Variants in TECRL observed in about 807,000 individuals in gnomAD.
TECRL encodes the protein trans-2,3-enoyl-CoA reductase-like.
In TECRL, 63 loss-of-function variants were observed where a neutral mutation model predicts 52.8. The ratio of observed to expected loss-of-function variants is 1.19; its 90% CI spans 0.97 to 1.47. The LOEUF is 1.47. TECRL is among the 40% of genes most tolerant of loss of function. TECRL has a pLI of 0.00. For synonymous variants in TECRL, 164 were observed against 141.9 expected (o/e 1.16, Z -1.10); for missense variants, 482 against 429.6 (o/e 1.12, Z -1.08).
chr4:64,330,308 C>T (rs1718552419), intron 2 of TECRL, among the ~76,000 whole-genome samples: 1 of 151,922 alleles, frequency 6.6e-6, no homozygotes, highest in South Asian at 2.1e-4. Flanking sequence ...TAAGACCTTA[C>T]AAAACTCCTG....
chr4:64,368,396 A>G (rs1356877505), intron 2 of TECRL, among the ~76,000 whole-genome samples: 1 of 152,034 alleles, frequency 6.6e-6, no homozygotes, highest in Admixed American at 6.6e-5. Flanking sequence ...ACCAGATTCA[A>G]GCGATTCTCC....
At chr4:64,381,766 T>C (rs1722811465) in intron 1 of TECRL, among the ~76,000 whole-genome samples, 1 of 152,074 alleles carries the variant, frequency 6.6e-6, no homozygotes, top group Non-Finnish European at 1.5e-5. Flanking sequence ...GGTATTATCT[T>C]TTTGATGTGT....
At chr4:64,389,102 T>C (rs1341246733) in intron 1 of TECRL, among the ~76,000 whole-genome samples, 3 of 151,958 alleles carry the variant, frequency 2.0e-5, no homozygotes, top group African/African-American at 7.2e-5. Context: ...TGCCTATCTG[T>C]AAACTCTTTA....
At chr4:64,360,581 C>A (rs1721106369) in intron 2 of TECRL, among the ~76,000 whole-genome samples, 1 of 151,992 alleles carries the variant, frequency 6.6e-6, no homozygotes, top group South Asian at 2.1e-4. Flanking sequence ...CAAGACAGAC[C>A]AGACCATCAA....
chr4:64,296,152 G>A (rs1245688243), intron 8 of TECRL, among the ~76,000 whole-genome samples: 6 of 151,892 alleles, frequency 4.0e-5, no homozygotes, highest in African/African-American at 1.4e-4. Flanking sequence ...CTGAACTTTG[G>A]CACCCTTTTT....
At chr4:64,395,015 T>C (rs1723832520) in intron 1 of TECRL, among the ~76,000 whole-genome samples, 1 of 149,004 alleles carries the variant, frequency 6.7e-6, no homozygotes, top group Non-Finnish European at 1.5e-5. Context: ...GGGGTTCAAA[T>C]GATTCTTCTG....
intron 2 of TECRL, among the ~76,000 whole-genome samples, chr4:64,364,395 G>T (rs1721448991): frequency 6.6e-6 from 1 of 151,880 alleles, no homozygotes; most frequent in Admixed American, 6.6e-5. Context: ...TAGGCAGAAA[G>T]AAATATCAAA....
chr4:64,296,342 A>C (rs1453608599), intron 8 of TECRL, among the ~76,000 whole-genome samples: 1 of 151,840 alleles, frequency 6.6e-6, no homozygotes, highest in Admixed American at 6.6e-5. Flanking sequence ...TAAATATTAC[A>C]AAAAGAGGTA....
chr4:64,311,662 G>A (rs963398839), intron 5 of TECRL, among the ~76,000 whole-genome samples: 3 of 152,224 alleles, frequency 2.0e-5, no homozygotes, highest in African/African-American at 4.8e-5. Context: ...TACAGCTAGA[G>A]ACTTAGTTTA....
chr4:64,358,281 TATG>T (rs1181409766), intron 2 of TECRL, among the ~76,000 whole-genome samples: 5 of 151,826 alleles, frequency 3.3e-5, no homozygotes, highest in African/African-American at 1.2e-4. Flanking sequence ...TATTTTAATG[TATG>T]ATATGTCATA....
chr4:64,317,414 A>G (rs1717581949), intron 4 of TECRL, among the ~76,000 whole-genome samples: 1 of 152,184 alleles, frequency 6.6e-6, no homozygotes, highest in African/African-American at 2.4e-5. Context: ...GAAAAAAAAA[A>G]ATGAGTGCTA....
chr4:64,301,842 GAA>G (rs1033953698), intron 7 of TECRL, among the ~76,000 whole-genome samples: 2 of 151,108 alleles, frequency 1.3e-5, no homozygotes, highest in African/African-American at 4.8e-5. Context: ...AGTATCGAGT[GAA>G]GAGTCTAATA....
chr4:64,337,643 G>A (rs529133860), intron 2 of TECRL, among the ~76,000 whole-genome samples: 18 of 152,008 alleles, frequency 1.2e-4, no homozygotes, highest in South Asian at 2.1e-4. Flanking sequence ...ACAGACAAAC[G>A]GAGAGCCAAA....
intron 6 of TECRL, among the ~76,000 whole-genome samples, chr4:64,307,553 G>C (rs1173954615): frequency 6.6e-6 from 1 of 152,064 alleles, no homozygotes; most frequent in African/African-American, 2.4e-5. Flanking sequence ...GACAGACTAA[G>C]GGATGCCTTT....
chr4:64,310,199 C>T (rs781219423), intron 5 of TECRL, among the ~76,000 whole-genome samples: 29 of 152,150 alleles, frequency 1.9e-4, no homozygotes, highest in Non-Finnish European at 3.7e-4. Flanking sequence ...CTGTTATGCT[C>T]ACACCTGTCC....
rs200124041 is a variant in TECRL, at chr4:64,293,979, TAA to T, written c.775-4214_775-4213del. ...TTGGCAGGTGCTACATATATATATA[TAA>T]AATATATATATATATATTTTTTGGA... On this transcript the variant is annotated intron_variant, in intron 8 of 11. Coordinates refer to ENST00000381210, the MANE Select transcript of TECRL (RefSeq NM_001010874.5). Among the ~76,000 whole-genome samples the T allele has an allele frequency of 5.5e-3, 784 of 143,684 alleles. 1 individual carries two copies. The highest frequency in any genetic ancestry group is 0.02 in the African/African-American group (745 of 38,148). 94.3% of individuals were successfully genotyped at this position (143,684 alleles called of 152,430 possible).
chr4:64,357,293 T>C (rs537514593), intron 2 of TECRL, among the ~76,000 whole-genome samples: 32 of 152,046 alleles, frequency 2.1e-4, no homozygotes, highest in South Asian at 1.9e-3. Flanking sequence ...AAATGAAATA[T>C]AACTGTATTA....
chr4:64,346,663 C>A (rs1406786065), intron 2 of TECRL, among the ~76,000 whole-genome samples: 1 of 152,238 alleles, frequency 6.6e-6, no homozygotes, highest in Admixed American at 6.5e-5. Flanking sequence ...CCCACAGAAC[C>A]ATTTTTTCCT....
At chr4:64,322,828 A>G (rs754900667) in intron 3 of TECRL, 36 bp from the exon 4 acceptor site, 1 of 1,459,066 alleles carries the variant, frequency 6.9e-7, no homozygotes, top group Admixed American at 1.9e-5. Flanking sequence ...TTATTTTAAT[A>G]CAATTTCTTA....
Sources: gnomAD v4.1 joint callset for allele counts (sites outside exome capture counted in the v4.1 genomes callset) on GRCh38, gnomAD v4.1.1 for gene constraint, MANE v1.5 for transcripts, NCBI Gene and HGNC (gene_info 2026-07-23, HGNC 2026-07-21) for gene names.